Variants in PDSS1 observed in about 807,000 individuals in gnomAD.
The protein encoded by PDSS1 is decaprenyl diphosphate synthase subunit 1, also known as all trans-polyprenyl-diphosphate synthase PDSS1.
PDSS1 carries 43 observed loss-of-function variants against 57.5 expected under a neutral mutation model. The ratio of observed to expected loss-of-function variants is 0.75; its 90% confidence interval spans 0.59 to 0.96. The LOEUF (loss-of-function observed/expected upper bound fraction) is 0.96, where lower values mean the gene tolerates loss of function less well. Among genes scored for constraint, PDSS1 ranks in the 50% least tolerant of loss-of-function variants. The pLI is 0.00. For missense variants in PDSS1, 438 were observed against 527.8 expected (o/e 0.83, Z 1.67); for synonymous variants, 175 against 191.3 (o/e 0.91, Z 0.70).
Position 26,704,675 on chromosome 10 carries a change from A to C in PDSS1, c.163-2A>C. On this transcript the variant is annotated splice_acceptor_variant, in intron 2 of 11. Coordinates refer to ENST00000376215, the MANE Select transcript of PDSS1 (RefSeq NM_014317.5). LOFTEE classifies it high-confidence loss of function. ...AAGTTTCTTGACATTTTTATTTTAT[A>C]GATACCCTATATTAATCTTGTGAAG... 8.2e-7 allele frequency: 1 copy of C among 1,220,072 alleles called. No homozygotes were observed. Among genetic ancestry groups the C allele is most frequent in the Non-Finnish European group, 1.2e-6 (1 of 821,830 alleles). The allele number at this position is 1,220,072 out of a possible 1,614,324, so 75.6% of individuals were successfully genotyped here.
chr10:26,715,894 A>C (rs1033214036), intron 5 of PDSS1: 1 of 151,758 alleles, frequency 6.6e-6, no homozygotes, highest in African/African-American at 2.4e-5. Flanking sequence ...TGGCAAGCAA[A>C]TAAGCAATAG....
At chr10:26,709,187 T>A (rs1033095493) in intron 4 of PDSS1, among the ~76,000 whole-genome samples, 13 of 152,236 alleles carry the variant, frequency 8.5e-5, no homozygotes, top group African/African-American at 3.1e-4. Context: ...TGGATGGCCC[T>A]GCAGCGTGGG....
chr10:26,740,762 A>C (rs1836569361), intron 10 of PDSS1: 3 of 450,214 alleles, frequency 6.7e-6, no homozygotes, highest in Non-Finnish European at 1.3e-5. Flanking sequence ...TCCAGTCATG[A>C]AGATGAGAAG....
In PDSS1 at chr10:26,697,722, G is replaced by A. The variant is rs1834907332; in HGVS notation, c.11G>A (p.Arg4His). Residue 4 changes from arginine (R) to histidine (H), a missense_variant, in exon 1 of 12, where the codon CGC becomes CAC. Transcript: ENST00000376215. ...TTTCAGACTCCGACCATGGCCTCGC[G>A]CTGGTGGCGGTGGCGGCGCGGCTGC... MAS[R>H]WWRWRRGCSW... 1.5e-6 allele frequency: 2 copies of A among 1,297,044 alleles called. No homozygotes were observed. The highest frequency in any genetic ancestry group is 1.5e-5 in the African/African-American group (1 of 64,566). The allele number at this position is 1,297,044 out of a possible 1,614,324, so 80.3% of individuals were successfully genotyped here.
chr10:26,737,491 G>A (rs1352207874), intron 10 of PDSS1, among the ~76,000 whole-genome samples: 1 of 152,062 alleles, frequency 6.6e-6, no homozygotes, highest in African/African-American at 2.4e-5. Context: ...CCAGCACTTT[G>A]GGAGGCTGAG....
intron 4 of PDSS1, among the ~76,000 whole-genome samples, chr10:26,708,884 G>T (rs1274765323): frequency 1.3e-5 from 2 of 151,882 alleles, no homozygotes; most frequent in African/African-American, 4.8e-5. Flanking sequence ...CACCCCACCC[G>T]CCTGACCTGC....
intron 8 of PDSS1, among the ~76,000 whole-genome samples, chr10:26,727,679 T>A (rs1444524425): frequency 6.6e-6 from 1 of 151,804 alleles, no homozygotes. Context: ...CTTTTTTTTT[T>A]ACAATATTCA....
intron 11 of PDSS1, among the ~76,000 whole-genome samples, chr10:26,744,710 T>G (rs10829055): frequency 0.15 from 23,557 of 152,030 alleles, 2,348 homozygotes; most frequent in African/African-American, 0.29. Context: ...TCTGGGTAGG[T>G]TATTTGCAGA....
chr10:26,706,365 T>C (rs1429700618), intron 4 of PDSS1, among the ~76,000 whole-genome samples: 2 of 152,236 alleles, frequency 1.3e-5, no homozygotes. Context: ...CAGTAGGGGC[T>C]GTGGAGGAAG....
At chr10:26,707,004 G>A (rs1052305272) in intron 4 of PDSS1, among the ~76,000 whole-genome samples, 3 of 106,868 alleles carry the variant, frequency 2.8e-5, no homozygotes, top group Non-Finnish European at 6.9e-5. Flanking sequence ...GGTGACCTGA[G>A]AGAAAGTGTG....
chr10:26,730,742 T>C (rs1836162146), intron 8 of PDSS1, among the ~76,000 whole-genome samples: 1 of 152,216 alleles, frequency 6.6e-6, no homozygotes. Context: ...CTCGTTCACT[T>C]CTGGTTCCTC....
Position 26,735,326 on chromosome 10 carries a change from T to C in PDSS1, c.912+6T>C. 6.3e-7 allele frequency: 1 copy of C among 1,592,496 alleles called. No homozygotes were observed. The highest frequency in any genetic ancestry group is 8.6e-7 in the Non-Finnish European group (1 of 1,160,244). ...ATGTAGGAATAGCTTTTCAGGTTAG[T>C]ATGCTTTTTATTTGTAAGAATGGTG... On this transcript the variant is annotated splice_donor_region_variant and intron_variant, in intron 9 of 11. Coordinates refer to ENST00000376215, the MANE Select transcript of PDSS1 (RefSeq NM_014317.5).
At chr10:26,743,835 A>G (rs919391362) in intron 11 of PDSS1, among the ~76,000 whole-genome samples, 1 of 152,214 alleles carries the variant, frequency 6.6e-6, no homozygotes, top group African/African-American at 2.4e-5. Context: ...TGAATAGACA[A>G]CTCAGGGTTA....
intron 8 of PDSS1, among the ~76,000 whole-genome samples, chr10:26,733,584 C>T (rs1401486862): frequency 1.3e-5 from 2 of 152,264 alleles, no homozygotes; most frequent in South Asian, 2.1e-4. Flanking sequence ...AGGCTGAGGA[C>T]GTTAGGCAAC....
intron 5 of PDSS1, among the ~76,000 whole-genome samples, chr10:26,713,457 A>G (rs1835460787): frequency 6.6e-6 from 1 of 152,168 alleles, no homozygotes; most frequent in Non-Finnish European, 1.5e-5. Context: ...TTGTCCATTA[A>G]ATGTTCCCTA....
rs147126048 is a variant in PDSS1, at chr10:26,705,328, A to T, written c.270A>T (p.Glu90Asp). 4.3e-6 allele frequency: 7 copies of T among 1,613,162 alleles called. No homozygotes were observed. Among genetic ancestry groups the T allele is most frequent in the African/African-American group, 2.7e-5 (2 of 74,914 alleles). Reference sequence around the variant, plus strand: ...CAGACAGTAAAACACACAGTGGTGAAAAATACACCGATCCTTTCAAACTCG... The same window carrying T: ...CAGACAGTAAAACACACAGTGGTGATAAATACACCGATCCTTTCAAACTCG... ...TTPDSKTHSG[E>D]KYTDPFKLGW... is the part of the protein sequence containing the mutation. The change falls in exon 4 of 12, where the codon GAA (glutamate) becomes GAT (aspartate). Residue 90 changes from glutamate (E) to aspartate (D), a missense_variant. Physicochemically the swap from Glu to Asp is conservative, Grantham distance 45. Coordinates refer to ENST00000376215, the MANE Select transcript of PDSS1 (RefSeq NM_014317.5).
At chr10:26,743,783 T>C (rs986565109) in intron 11 of PDSS1, among the ~76,000 whole-genome samples, 2 of 152,212 alleles carry the variant, frequency 1.3e-5, no homozygotes, top group Non-Finnish European at 2.9e-5. Flanking sequence ...TCTAGCTCCC[T>C]GTTCACCCAC....
chr10:26,742,210 C>T (rs1189975001), intron 10 of PDSS1, among the ~76,000 whole-genome samples: 1 of 131,800 alleles, frequency 7.6e-6, no homozygotes, highest in Non-Finnish European at 1.6e-5. Flanking sequence ...TACTTTATTC[C>T]TCCTGCCTCT....
intron 8 of PDSS1, among the ~76,000 whole-genome samples, chr10:26,730,105 G>T (rs981306158): frequency 6.6e-6 from 1 of 151,212 alleles, no homozygotes; most frequent in Admixed American, 6.6e-5. Flanking sequence ...GTAGAGATGG[G>T]GTTTCATGGT....
Sources: gnomAD v4.1 joint callset for allele counts (sites outside exome capture counted in the v4.1 genomes callset) on GRCh38, gnomAD v4.1.1 for gene constraint, MANE v1.5 for transcripts, NCBI Gene and HGNC (gene_info 2026-07-23, HGNC 2026-07-21) for gene names.